The following SHANK2 variants were observed in gnomAD, a reference collection of about 807,000 sequenced individuals.
SHANK2 encodes SH3 and multiple ankyrin repeat domains protein 2.
A neutral mutation model predicts 133.7 loss-of-function variants in SHANK2; 43 were observed. The ratio of observed to expected loss-of-function variants is 0.32; its 90% CI spans 0.25 to 0.41. SHANK2 has a LOEUF of 0.41. Ranked by LOEUF, SHANK2 falls within the 10% of genes least tolerant of loss-of-function variation. The pLI, the probability that SHANK2 is intolerant of heterozygous loss-of-function variation, is 1.00. For missense variants in SHANK2, 1,994 were observed against 2,235.8 expected (o/e 0.89, Z 2.18); for synonymous variants, 1,017 against 952.8 (o/e 1.07, Z -1.24).
chr11:70,619,112 A>T (rs1219375321), intron 17 of SHANK2, among the ~76,000 whole-genome samples: 1 of 152,010 alleles, frequency 6.6e-6, no homozygotes, highest in Admixed American at 6.5e-5. Flanking sequence ...AGCCTGTGAC[A>T]CTCTAAGGAC....
At chr11:70,686,676 G>T (rs990559503) in intron 15 of SHANK2, among the ~76,000 whole-genome samples, 2 of 152,156 alleles carry the variant, frequency 1.3e-5, no homozygotes, top group Admixed American at 6.5e-5. Flanking sequence ...CAGAGAAAAG[G>T]CAGTCCTGCA....
chr11:70,645,460 G>A (rs2061247315), intron 17 of SHANK2, among the ~76,000 whole-genome samples: 1 of 152,114 alleles, frequency 6.6e-6, no homozygotes, highest in Admixed American at 6.5e-5. Flanking sequence ...TCAGTCCACT[G>A]TAATCAGAAG....
In SHANK2 at chr11:70,739,348, G is replaced by A. The variant is rs1946474096; in HGVS notation, c.1778-40585C>T. ...CATCTCCACCTCCCCACAGAAGGGA[G>A]GAGGCCAGGAGGTGGACAATGAAGA... On this transcript the variant is annotated intron_variant, in intron 14 of 25. Transcript: ENST00000601538. The surrounding 1 kb of genome is among the most constrained non-coding windows in gnomAD (Gnocchi z 4.3). Among the ~76,000 whole-genome samples, 1 of 152,188 alleles carries A rather than the reference G, an allele frequency of 6.6e-6. No homozygotes were observed. Among genetic ancestry groups the A allele is most frequent in the Admixed American group, 6.5e-5 (1 of 15,282 alleles).
intron 8 of SHANK2, among the ~76,000 whole-genome samples, chr11:71,082,809 A>G (rs1292019518): frequency 6.6e-6 from 1 of 152,230 alleles, no homozygotes; most frequent in African/African-American, 2.4e-5. Context: ...AATGCGATAA[A>G]TAACAAATAG....
At chr11:70,924,254 T>C (rs1246788245) in intron 10 of SHANK2, among the ~76,000 whole-genome samples, 2 of 151,938 alleles carry the variant, frequency 1.3e-5, no homozygotes, top group Non-Finnish European at 2.9e-5. Context: ...ATTGAGGACA[T>C]GCCCCAGAGC....
intron 12 of SHANK2, among the ~76,000 whole-genome samples, chr11:70,813,803 G>A (rs1948328164): frequency 6.6e-6 from 1 of 152,174 alleles, no homozygotes; most frequent in Non-Finnish European, 1.5e-5. Context: ...TGGCTTCCCA[G>A]GACTGTGAAA....
At chr11:70,708,719 A>AG (rs1455333992) in intron 14 of SHANK2, among the ~76,000 whole-genome samples, 1 of 152,200 alleles carries the variant, frequency 6.6e-6, no homozygotes, top group African/African-American at 2.4e-5. Context: ...AAGCCCTTTG[A>AG]GGGGTCCCAG....
chr11:70,902,057 C>T (rs541990434), intron 10 of SHANK2, among the ~76,000 whole-genome samples: 150 of 152,314 alleles, frequency 9.8e-4, no homozygotes, highest in Non-Finnish European at 1.7e-3. Context: ...CTCCATGGCC[C>T]GGGGCCCGGC....
chr11:70,875,831 G>A (rs1238062148), intron 11 of SHANK2, among the ~76,000 whole-genome samples: 2 of 151,296 alleles, frequency 1.3e-5, no homozygotes, highest in Non-Finnish European at 2.9e-5. Context: ...ACACCAGCTG[G>A]GGTGACAGAG....
chr11:70,651,369 C>T (rs782625116), intron 17 of SHANK2, among the ~76,000 whole-genome samples: 20 of 152,180 alleles, frequency 1.3e-4, no homozygotes, highest in Non-Finnish European at 2.8e-4. Flanking sequence ...CTCCTCAGCC[C>T]GAACCACCTG....
At position 71,073,894 on chromosome 11, in the gene SHANK2, T is replaced by C. The variant is rs1951183281; in HGVS notation, c.1029+1265A>G. Among the ~76,000 whole-genome samples, 5 of 152,244 alleles carry C rather than the reference T, an allele frequency of 3.3e-5. No individual in the cohort carries two copies. The South Asian group carries it at 8.3e-4, about 25-fold the overall frequency. On this transcript the variant is annotated intron_variant, in intron 9 of 25. Transcript: ENST00000601538. ...GATCTGCCCCTCTCCATGTTCCATA[T>C]AGAGACCTGCTGACGGGGTAGATGG... is the stretch of plus-strand genomic sequence containing the variant.
chr11:70,765,985 T>G (rs561120874), intron 14 of SHANK2, among the ~76,000 whole-genome samples: 1 of 152,328 alleles, frequency 6.6e-6, no homozygotes, highest in East Asian at 1.9e-4. Flanking sequence ...AGCTGCCTAC[T>G]CTAACATCAG....
intron 11 of SHANK2, among the ~76,000 whole-genome samples, chr11:70,881,379 G>A (rs1590791983): frequency 6.6e-6 from 1 of 152,020 alleles, no homozygotes; most frequent in South Asian, 2.1e-4. Flanking sequence ...CATGAAGCAG[G>A]TGGGTGAATC....
At chr11:71,190,730 C>A (rs1313351911) in intron 2 of SHANK2, among the ~76,000 whole-genome samples, 2 of 152,204 alleles carry the variant, frequency 1.3e-5, no homozygotes, top group East Asian at 3.9e-4. Context: ...TGAGAGGAGG[C>A]TTCTGCAGGT....
intron 15 of SHANK2, among the ~76,000 whole-genome samples, chr11:70,670,012 C>T (rs577877038): frequency 2.6e-5 from 4 of 152,248 alleles, no homozygotes; most frequent in East Asian, 3.9e-4. Flanking sequence ...CAGACCCAGG[C>T]GGGGACCGCT....
At chr11:70,676,850 C>T (rs1555017330) in intron 15 of SHANK2, among the ~76,000 whole-genome samples, 1 of 152,118 alleles carries the variant, frequency 6.6e-6, no homozygotes, top group South Asian at 2.1e-4. Flanking sequence ...GGGGGCCCTG[C>T]TCTATATTCA....
chr11:71,223,322 G>C (rs770822604), intron 2 of SHANK2, among the ~76,000 whole-genome samples: 25 of 152,218 alleles, frequency 1.6e-4, no homozygotes, highest in Non-Finnish European at 3.4e-4. Flanking sequence ...GTGAAGCAGA[G>C]ATAAACGATC....
chr11:71,242,670 C>A lies in SHANK2; in HGVS notation c.-113+9755G>T, dbSNP rs921589093. 2.0e-5 allele frequency among the ~76,000 whole-genome samples: 3 copies of A among 152,214 alleles called. No homozygotes were observed. The East Asian group carries it at 5.8e-4, about 29-fold the overall frequency. On this transcript the variant is annotated intron_variant, in intron 1 of 25. Coordinates refer to ENST00000601538, the MANE Select transcript of SHANK2 (RefSeq NM_012309.5). ...TTTGCTCCCCTGGCGAGGATGTCGA[C>A]CCTACAAGGGCAGAAATATTTGTCT...
chr11:70,532,149 A>G (rs1554973329), intron 17 of SHANK2, among the ~76,000 whole-genome samples: 2 of 152,170 alleles, frequency 1.3e-5, no homozygotes, highest in East Asian at 3.9e-4. Flanking sequence ...ATGAGTTGAA[A>G]TTTCAGGCAT....
Sources: gnomAD v4.1 joint callset for allele counts (sites outside exome capture counted in the v4.1 genomes callset) on GRCh38, gnomAD v4.1.1 for gene constraint, Gnocchi (gnomAD v3.1) non-coding constraint, MANE v1.5 for transcripts, NCBI Gene and HGNC (gene_info 2026-07-23, HGNC 2026-07-21) for gene names.